Variants in CYB5B observed in about 807,000 individuals in gnomAD.
The protein encoded by CYB5B is cytochrome b5 type B, also known as cytochrome b5 type B (outer mitochondrial membrane).
Under a neutral mutation model 21.3 loss-of-function variants are expected in CYB5B, and 14 were observed. The ratio of observed to expected loss-of-function variants is 0.66; its 90% CI spans 0.43 to 1.03. CYB5B has a LOEUF of 1.03. Ranked by LOEUF, CYB5B falls within the 50% of genes least tolerant of loss-of-function variation. The pLI is 0.00. For synonymous variants in CYB5B, 69 were observed against 68.4 expected (o/e 1.01, Z -0.04); for missense variants, 166 against 185.1 (o/e 0.90, Z 0.60).
chr16:69,432,478 C>G (rs1239442154), intron 1 of CYB5B, among the ~76,000 whole-genome samples: 1 of 152,134 alleles, frequency 6.6e-6, no homozygotes, highest in Non-Finnish European at 1.5e-5. Flanking sequence ...CTCTTTCAAT[C>G]CCAATAATTT....
chr16:69,436,563 C>T (rs1350311218), intron 1 of CYB5B, among the ~76,000 whole-genome samples: 3 of 152,188 alleles, frequency 2.0e-5, no homozygotes, highest in African/African-American at 7.2e-5. Flanking sequence ...TGTTATCTTT[C>T]TCTGCCCTGC....
chr16:69,458,901 G>A (rs1484018754), intron 3 of CYB5B, among the ~76,000 whole-genome samples, 192 bp from the exon 4 acceptor site: 1 of 152,068 alleles, frequency 6.6e-6, no homozygotes, highest in Non-Finnish European at 1.5e-5. Context: ...TGAAGTGCCA[G>A]TATGTTATCA....
intron 1 of CYB5B, among the ~76,000 whole-genome samples, chr16:69,434,862 CAAAAAAA>C (rs569014074): frequency 8.6e-6 from 1 of 116,644 alleles, no homozygotes; most frequent in African/African-American, 3.3e-5. Flanking sequence ...GACTTCATCT[CAAAAAAA>C]AAAAAAAAAA....
At chr16:69,425,432 C>G (rs1168448424) in intron 1 of CYB5B, among the ~76,000 whole-genome samples, 1 of 151,376 alleles carries the variant, frequency 6.6e-6, no homozygotes, top group Non-Finnish European at 1.5e-5. Flanking sequence ...GTTTTTGACT[C>G]ATGTTTTGTC....
At position 69,424,813 on chromosome 16, in the gene CYB5B, G is replaced by C. The variant is rs756181887; in HGVS notation, c.130G>C (p.Val44Leu). The change falls in exon 1 of 5, where the codon GTG (valine) becomes CTG (leucine). Residue 44 changes from valine to leucine, a missense_variant. Coordinates refer to ENST00000307892, the MANE Select transcript of CYB5B (RefSeq NM_030579.3). ...KRNSLKELWL[V>L]IHGRVYDVTR... ...CAACTCCTTGAAGGAACTGTGGCTT[G>C]TGATCCATGGGCGAGTCTACGATGT... 6 of 1,605,928 alleles carry C rather than the reference G, an allele frequency of 3.7e-6. No individual in the cohort carries two copies. The East Asian group carries it at 1.1e-4, about 30-fold the overall frequency.
rs569984469 is a variant in CYB5B at position 69,457,063 on chromosome 16, G to A, written c.334-2030G>A. On this transcript the variant is annotated intron_variant, in intron 3 of 4. Transcript: ENST00000307892. ...GGTTGGTCTTTTTTTTGCGTCCCCA[G>A]GGATGGATTGATCTTAAAACAGGCA... is the stretch of plus-strand genomic sequence containing the variant. Among the ~76,000 whole-genome samples the A allele has an allele frequency of 1.2e-4, 18 of 152,224 alleles. 1 individual carries two copies. The Middle Eastern group carries it at 0.024, about 201-fold the overall frequency.
chr16:69,434,862 C>CAAAA (rs569014074), intron 1 of CYB5B, among the ~76,000 whole-genome samples: 3 of 116,636 alleles, frequency 2.6e-5, no homozygotes, highest in African/African-American at 1.0e-4. Context: ...GACTTCATCT[C>CAAAA]AAAAAAAAAA....
At chr16:69,448,194 A>G in intron 3 of CYB5B, 50 bp downstream of exon 3, 1 of 1,589,680 alleles carries the variant, frequency 6.3e-7, no homozygotes, top group Non-Finnish European at 8.6e-7. Flanking sequence ...TTACTCAAGT[A>G]GGACTGCTTT....
chr16:69,430,375 C>T lies in CYB5B; in HGVS notation c.174+5518C>T, dbSNP rs188090299. ...GGACTACAGGTATGTACTACCACACCCTGCTAATTTTTTTGGTATTTTTTT... is the reference window on the plus strand; with the variant it reads ...GGACTACAGGTATGTACTACCACACTCTGCTAATTTTTTTGGTATTTTTTT... On this transcript the variant is annotated intron_variant, in intron 1 of 4. Transcript: ENST00000307892. Among the ~76,000 whole-genome samples, 761 of 152,090 alleles carry T rather than the reference C, an allele frequency of 5.0e-3. 4 individuals carry two copies. Among genetic ancestry groups the T allele is most frequent in the African/African-American group, 0.016 (644 of 41,474 alleles).
At chr16:69,441,328 G>A (rs1181702779) in intron 1 of CYB5B, among the ~76,000 whole-genome samples, 4 of 151,714 alleles carry the variant, frequency 2.6e-5, no homozygotes, top group Non-Finnish European at 5.9e-5. Context: ...CTAATTTTTT[G>A]TATTTTTAGT....
chr16:69,428,392 G>T (rs1323718182), intron 1 of CYB5B, among the ~76,000 whole-genome samples: 1 of 152,124 alleles, frequency 6.6e-6, no homozygotes, highest in African/African-American at 2.4e-5. Flanking sequence ...GGACACGGTG[G>T]CTTAGGCCTG....
At position 69,458,172 on chromosome 16, in the gene CYB5B, AC is replaced by A. The variant is rs575731053; in HGVS notation, c.334-919del. ...ATACAATTCACATACCATACAGTTT[AC>A]CTATTTAAAATGTACAAATCAATGG... On this transcript the variant is annotated intron_variant, in intron 3 of 4. Transcript: ENST00000307892. 1.5e-4 allele frequency among the ~76,000 whole-genome samples: 23 copies of A among 152,280 alleles called. No homozygotes were observed. In the South Asian group the frequency reaches 4.6e-3, roughly 30 times the overall value.
intron 1 of CYB5B, among the ~76,000 whole-genome samples, chr16:69,440,888 G>T (rs949516221): frequency 2.0e-5 from 3 of 151,652 alleles, no homozygotes; most frequent in Admixed American, 6.6e-5. Context: ...TGAACTCCCA[G>T]GCTCAAGCGA....
At chr16:69,456,823 G>T (rs1321572800) in intron 3 of CYB5B, among the ~76,000 whole-genome samples, 2 of 152,178 alleles carry the variant, frequency 1.3e-5, no homozygotes, top group African/African-American at 2.4e-5. Flanking sequence ...TGTGTTAATA[G>T]AACTTTTTTC....
At chr16:69,441,188 C>G (rs894100505) in intron 1 of CYB5B, among the ~76,000 whole-genome samples, 1 of 140,840 alleles carries the variant, frequency 7.1e-6, no homozygotes, top group Non-Finnish European at 1.5e-5. Flanking sequence ...GAGTCTTGCT[C>G]TGTTGCCCAG....
At chr16:69,436,922 T>A (rs2014765927) in intron 1 of CYB5B, among the ~76,000 whole-genome samples, 1 of 152,238 alleles carries the variant, frequency 6.6e-6, no homozygotes, top group Non-Finnish European at 1.5e-5. Flanking sequence ...GAAGTATTAT[T>A]TTCCATAAGG....
intron 3 of CYB5B, among the ~76,000 whole-genome samples, chr16:69,451,502 AT>A (rs1458366423): frequency 1.3e-5 from 2 of 152,122 alleles, no homozygotes; most frequent in Non-Finnish European, 2.9e-5. Flanking sequence ...TCTTCAACAG[AT>A]ATTATCTAGA....
rs2015076092 is a variant in CYB5B at position 69,465,147 on chromosome 16, A to T, written c.*2627A>T. 6.5e-6 allele frequency: 1 copy of T among 153,856 alleles called. No individual in the cohort carries two copies. Among genetic ancestry groups the T allele is most frequent in the Admixed American group, 6.5e-5 (1 of 15,286 alleles). 9.5% of individuals were successfully genotyped at this position (153,856 alleles called of 1,614,324 possible). ...CCAGTCCCCATTGGCTGACAGTGCC[A>T]CCTGGAGCTGGTCTCTGGGGTGTTC... On this transcript the variant is annotated 3_prime_UTR_variant, in exon 5 of 5. Coordinates refer to ENST00000307892, the MANE Select transcript of CYB5B (RefSeq NM_030579.3).
intron 1 of CYB5B, among the ~76,000 whole-genome samples, chr16:69,433,591 T>A (rs944145486): frequency 7.2e-5 from 11 of 152,238 alleles, no homozygotes; most frequent in African/African-American, 2.7e-4. Context: ...TTAAGCAGTA[T>A]CCTATTGATA....
Sources: gnomAD v4.1 joint callset for allele counts (sites outside exome capture counted in the v4.1 genomes callset) on GRCh38, gnomAD v4.1.1 for gene constraint, MANE v1.5 for transcripts, NCBI Gene and HGNC (gene_info 2026-07-23, HGNC 2026-07-21) for gene names.